Variants in NFIB observed in about 807,000 individuals in gnomAD.
NFIB encodes nuclear factor I B.
In NFIB, 11 loss-of-function variants were observed where a neutral mutation model predicts 61.5. The ratio of observed to expected loss-of-function variants is 0.18; its 90% confidence interval spans 0.11 to 0.30. NFIB has a LOEUF of 0.30. Ranked by LOEUF, NFIB falls within the 10% of genes least tolerant of loss-of-function variation. The pLI, the probability that NFIB is intolerant of heterozygous loss-of-function variation, is 1.00. For synonymous variants in NFIB, 260 were observed against 216.5 expected, an observed-to-expected ratio of 1.20 and a Z score of -1.76; for missense variants, 471 against 608.9, an observed-to-expected ratio of 0.77 and a Z score of 2.38.
chr9:14,313,524 A>C lies in NFIB; in HGVS notation c.-13T>G, dbSNP rs769842623. The C allele has an allele frequency of 8.1e-6, 13 of 1,613,858 alleles. No homozygotes were observed. Among genetic ancestry groups the C allele is most frequent in the Non-Finnish European group, 1.1e-5 (13 of 1,179,892 alleles). ...GAGAATACATCATGACTTCGCCTTAAAACGCACTTTCCGGGAGATGCCCAA... is the reference window on the plus strand; with the variant it reads ...GAGAATACATCATGACTTCGCCTTACAACGCACTTTCCGGGAGATGCCCAA... On this transcript the variant is annotated 5_prime_UTR_variant, in exon 1 of 11. Transcript: ENST00000380953. The surrounding 1 kb of genome is among the most constrained non-coding windows in gnomAD (Gnocchi z 4.5).
chr9:14,453,782 A>G, the NFIB span, among the ~76,000 whole-genome samples: 2 of 152,164 alleles, frequency 1.3e-5, no homozygotes, highest in Non-Finnish European at 2.9e-5. Flanking sequence ...TTTTTATAAC[A>G]AAAAGAAAAT....
At chr9:14,205,145 C>G (rs866290515) in intron 2 of NFIB, 1 of 140,918 alleles carries the variant, frequency 7.1e-6, no homozygotes, top group African/African-American at 2.8e-5. Context: ...CTGAAAAAAA[C>G]CGAGATCAGA....
At chr9:14,157,675 T>G (rs1173273754) in intron 3 of NFIB, among the ~76,000 whole-genome samples, 1 of 152,102 alleles carries the variant, frequency 6.6e-6, no homozygotes, top group African/African-American at 2.4e-5. Context: ...CTAAAAGTCA[T>G]GAATACAAAA....
intron 1 of NFIB, among the ~76,000 whole-genome samples, chr9:14,358,770 A>T (rs1365394896): frequency 6.6e-6 from 1 of 152,164 alleles, no homozygotes; most frequent in Non-Finnish European, 1.5e-5. Context: ...GTTGCAGCCA[A>T]CTCATATCAA....
At chr9:14,232,999 C>T (rs1425858841) in intron 2 of NFIB, among the ~76,000 whole-genome samples, 1 of 152,148 alleles carries the variant, frequency 6.6e-6, no homozygotes, top group African/African-American at 2.4e-5. Flanking sequence ...CTGCCTCTGG[C>T]TTCCTCCTTC....
chr9:14,097,913 A>G (rs1296480140), intron 10 of NFIB, among the ~76,000 whole-genome samples: 2 of 134,564 alleles, frequency 1.5e-5, no homozygotes, highest in Admixed American at 1.7e-4. Flanking sequence ...CTCCTGACCA[A>G]CCAGATCCAA....
chr9:14,299,046 A>AT (rs1350519277), intron 2 of NFIB, among the ~76,000 whole-genome samples: 1 of 152,204 alleles, frequency 6.6e-6, no homozygotes, highest in Non-Finnish European at 1.5e-5. Context: ...ACGAAGGAAC[A>AT]TTTTTTACAC....
upstream of NFIB, among the ~76,000 whole-genome samples, chr9:14,402,836 A>G (rs190227371): frequency 1.7e-3 from 265 of 152,332 alleles, no homozygotes; most frequent in African/African-American, 6.1e-3. Context: ...ATTAACTCCA[A>G]CGTGCTCAGA....
chr9:14,183,164 A>T (rs944046981), intron 2 of NFIB, among the ~76,000 whole-genome samples: 10 of 152,146 alleles, frequency 6.6e-5, no homozygotes, highest in African/African-American at 1.9e-4. Flanking sequence ...TGGTGGGATG[A>T]CTAAGCATGG....
chr9:14,514,131 AT>A, the NFIB span, among the ~76,000 whole-genome samples: 714 of 152,296 alleles, frequency 4.7e-3, 5 homozygotes, highest in South Asian at 8.3e-3. Flanking sequence ...GAGGAAGGAA[AT>A]TACATTTATT....
At chr9:14,279,793 A>G (rs1446674242) in intron 2 of NFIB, among the ~76,000 whole-genome samples, 1 of 152,206 alleles carries the variant, frequency 6.6e-6, no homozygotes, top group Non-Finnish European at 1.5e-5. Context: ...CACTTACCAT[A>G]AAGCTCCCAA....
intron 1 of NFIB, among the ~76,000 whole-genome samples, chr9:14,350,511 G>C (rs1485872849): frequency 6.8e-6 from 1 of 146,994 alleles, no homozygotes; most frequent in Non-Finnish European, 1.5e-5. Context: ...GACCTGGGTG[G>C]GGTGGGGGGG....
chr9:14,150,817 T>C (rs1292199147), intron 4 of NFIB, among the ~76,000 whole-genome samples: 2 of 152,116 alleles, frequency 1.3e-5, no homozygotes, highest in Non-Finnish European at 2.9e-5. Flanking sequence ...GTTGATAATA[T>C]AGAATAATAA....
chr9:14,195,462 GA>G (rs1460267606), intron 2 of NFIB, among the ~76,000 whole-genome samples: 1 of 152,212 alleles, frequency 6.6e-6, no homozygotes, highest in Non-Finnish European at 1.5e-5. Flanking sequence ...ACACGAAACA[GA>G]GAAATAATCT....
intron 1 of NFIB, among the ~76,000 whole-genome samples, chr9:14,377,176 T>C (rs147585169): frequency 5.9e-5 from 9 of 152,336 alleles, no homozygotes; most frequent in South Asian, 2.1e-4. Flanking sequence ...AATGCAAATA[T>C]ATAAAAATTC....
intron 1 of NFIB, among the ~76,000 whole-genome samples, chr9:14,353,122 G>A (rs2132919469): frequency 6.6e-6 from 1 of 152,244 alleles, no homozygotes; most frequent in East Asian, 1.9e-4. Context: ...GTATGGTGAA[G>A]GTGCTGCAGC....
the NFIB span, among the ~76,000 whole-genome samples, chr9:14,487,280 G>A: frequency 6.6e-6 from 1 of 152,116 alleles, no homozygotes; most frequent in African/African-American, 2.4e-5. Context: ...TTATATTGCT[G>A]CCTTTCACTC....
chr9:14,096,024 T>C (rs950019817), intron 10 of NFIB, among the ~76,000 whole-genome samples: 1 of 152,204 alleles, frequency 6.6e-6, no homozygotes, highest in Admixed American at 6.5e-5. Context: ...TATTCATTCA[T>C]AGTCTTTGTT....
chr9:14,285,695 AG>A lies in NFIB; in HGVS notation c.562+21293del, dbSNP rs755545177. ...TCATATGGTTACCAGGGAATAAAGG[AG>A]TCAAACAGGTGACTTTGCAAACAAT... On this transcript the variant is annotated intron_variant, in intron 2 of 10. Transcript: ENST00000380953. Among the ~76,000 whole-genome samples, 3 of 152,174 alleles carry A rather than the reference AG, an allele frequency of 2.0e-5. No homozygotes were observed. In the South Asian group the frequency reaches 6.2e-4, roughly 32 times the overall value.
Sources: allele counts gnomAD v4.1 joint callset (sites outside exome capture counted in the v4.1 genomes callset), GRCh38; gene constraint gnomAD v4.1.1; non-coding constraint Gnocchi (gnomAD v3.1); transcripts MANE v1.5; gene names NCBI Gene and HGNC (gene_info 2026-07-23, HGNC 2026-07-21).